SOX5: variants seen among roughly 807,000 people sequenced by gnomAD.
SOX5 encodes SRY-box transcription factor 5.
In SOX5, 9 loss-of-function variants were observed where a neutral mutation model predicts 92.0. The observed-to-expected ratio is 0.10, with a 90% CI of 0.06 to 0.17. The LOEUF is 0.17. Among genes scored for constraint, SOX5 ranks in the 10% least tolerant of loss-of-function variants. The pLI, the probability that SOX5 is intolerant of heterozygous loss-of-function variation, is 1.00. For missense variants in SOX5, 642 were observed against 944.5 expected, an observed-to-expected ratio of 0.68 and a Z score of 4.20; for synonymous variants, 344 against 336.3, an observed-to-expected ratio of 1.02 and a Z score of -0.25.
chr12:23,770,510 A>T (rs987093240), intron 3 of SOX5, among the ~76,000 whole-genome samples: 1 of 151,598 alleles, frequency 6.6e-6, no homozygotes, highest in Non-Finnish European at 1.5e-5. Flanking sequence ...CGACAAAAAA[A>T]TTATTTTAAA....
intron 11 of SOX5, among the ~76,000 whole-genome samples, chr12:23,551,869 G>A (rs931545757): frequency 2.0e-5 from 3 of 151,350 alleles, no homozygotes; most frequent in African/African-American, 7.3e-5. Flanking sequence ...GTAAAATTTG[G>A]TAGCTTGCTT....
At chr12:23,660,691 A>G (rs1409004703) in intron 7 of SOX5, among the ~76,000 whole-genome samples, 1 of 138,088 alleles carries the variant, frequency 7.2e-6, no homozygotes, top group East Asian at 2.1e-4. Context: ...GTGAAAGACA[A>G]TAACTTCCAG....
intron 4 of SOX5, among the ~76,000 whole-genome samples, chr12:24,167,377 A>G (rs949106830): frequency 3.3e-5 from 5 of 152,232 alleles, no homozygotes; most frequent in Non-Finnish European, 7.3e-5. Context: ...AACCTCTTCC[A>G]AACACACCTA....
chr12:23,781,912 A>G (rs757810709), intron 3 of SOX5, among the ~76,000 whole-genome samples: 17 of 152,148 alleles, frequency 1.1e-4, no homozygotes, highest in Non-Finnish European at 2.1e-4. Context: ...ATATTGTTAA[A>G]CTAACAGAAT....
intron 4 of SOX5, among the ~76,000 whole-genome samples, chr12:24,020,473 C>T (rs1404103110): frequency 6.6e-6 from 1 of 152,120 alleles, no homozygotes; most frequent in Non-Finnish European, 1.5e-5. Flanking sequence ...TAATCTCATT[C>T]TGCCTGTTTA....
At chr12:23,611,591 T>G (rs2137759297) in intron 8 of SOX5, among the ~76,000 whole-genome samples, 1 of 152,066 alleles carries the variant, frequency 6.6e-6, no homozygotes, top group East Asian at 1.9e-4. Context: ...TTATTTTAAC[T>G]GGGATCTTGC....
chr12:24,254,738 T>TATATATATA (rs1565761318), intron 3 of SOX5, among the ~76,000 whole-genome samples: 2 of 151,448 alleles, frequency 1.3e-5, no homozygotes, highest in African/African-American at 2.4e-5. Flanking sequence ...TATATATATA[T>TATATATATA]TTCCTATGAC....
intron 1 of SOX5, among the ~76,000 whole-genome samples, chr12:24,536,532 T>C (rs1287205813): frequency 2.0e-5 from 3 of 152,152 alleles, no homozygotes; most frequent in Non-Finnish European, 2.9e-5. Flanking sequence ...TGAATTCCAG[T>C]ATGGAATATG....
chr12:23,887,917 ATGTGTGTGTGTGTGTGTGTG>A (rs61356582), intron 2 of SOX5, among the ~76,000 whole-genome samples: 2 of 144,662 alleles, frequency 1.4e-5, no homozygotes. Context: ...CAGTGTGTAT[ATGTGTGTGTGTGTGTGTGTG>A]TGTGTGTGTG....
rs74965077 is a variant in SOX5, at chr12:23,736,989, G to A, written c.742-2237C>T. On this transcript the variant is annotated intron_variant, in intron 5 of 14. Coordinates refer to ENST00000451604, the MANE Select transcript of SOX5 (RefSeq NM_006940.6). ...ATTACAGGCGTGAGCCACAGTGCCC[G>A]ACCTACGATTTTTTTTTTTTCTGAA... Among the ~76,000 whole-genome samples the A allele has an allele frequency of 4.8e-4, 72 of 149,036 alleles. No homozygotes were observed. The East Asian group carries it at 0.012, about 24-fold the overall frequency.
In SOX5 at chr12:23,532,906, C is replaced by CG. The variant is rs1939385427; in HGVS notation, c.*1312_*1313insC. The CG allele has an allele frequency of 6.1e-6, 1 of 163,436 alleles. No individual in the cohort carries two copies. Among genetic ancestry groups the CG allele is most frequent in the African/African-American group, 2.4e-5 (1 of 41,696 alleles). 10.1% of individuals were successfully genotyped at this position (163,436 alleles called of 1,614,324 possible). ...CAATGAAAACAATGATTGTTTTGCT[C>CG]AAAATATCAACAGGAAAAACAAAAA... On this transcript the variant is annotated 3_prime_UTR_variant, in exon 15 of 15. Transcript: ENST00000451604.
Position 23,835,250 on chromosome 12 carries a change from T to C in SOX5, c.481+10733A>G, listed in dbSNP as rs563517939. Among the ~76,000 whole-genome samples, 6 of 151,656 alleles carry C rather than the reference T, an allele frequency of 4.0e-5. No individual in the cohort carries two copies. The South Asian group carries it at 1.0e-3, about 26-fold the overall frequency. On this transcript the variant is annotated intron_variant, in intron 3 of 14. Transcript: ENST00000451604. Reference sequence around the variant, plus strand: ...AGATGGTAACACTATTTCTAAAATATAAAAAACAAAAGCGAGAAAAGAATA... The same window carrying C: ...AGATGGTAACACTATTTCTAAAATACAAAAAACAAAAGCGAGAAAAGAATA...
chr12:23,861,983 T>A (rs1043735996), intron 2 of SOX5, among the ~76,000 whole-genome samples: 1 of 152,214 alleles, frequency 6.6e-6, no homozygotes, highest in Non-Finnish European at 1.5e-5. Context: ...TAATTAATTA[T>A]ACATTTTTGG....
At chr12:23,856,398 T>C (rs1212761889) in intron 2 of SOX5, among the ~76,000 whole-genome samples, 4 of 152,284 alleles carry the variant, frequency 2.6e-5, no homozygotes, top group Middle Eastern at 3.4e-3. Context: ...AAAATATAGC[T>C]ACCAGTTTTG....
chr12:24,254,559 T>C (rs906357752), intron 3 of SOX5, among the ~76,000 whole-genome samples: 7 of 151,892 alleles, frequency 4.6e-5, no homozygotes, highest in African/African-American at 1.7e-4. Flanking sequence ...ATGTAATTTA[T>C]TGAAAATTGT....
chr12:23,789,336 A>G (rs2095431570), intron 3 of SOX5, among the ~76,000 whole-genome samples: 1 of 152,080 alleles, frequency 6.6e-6, no homozygotes, highest in Non-Finnish European at 1.5e-5. Flanking sequence ...ACTGCCAACA[A>G]TATCCAAGGA....
intron 6 of SOX5, among the ~76,000 whole-genome samples, chr12:23,701,685 C>T (rs575639563): frequency 1.3e-5 from 2 of 152,056 alleles, no homozygotes; most frequent in South Asian, 2.1e-4. Context: ...GGTGATTTTT[C>T]AGTGGTAACA....
chr12:24,070,297 TG>T (rs1941555946), intron 4 of SOX5, among the ~76,000 whole-genome samples: 1 of 152,220 alleles, frequency 6.6e-6, no homozygotes, highest in Admixed American at 6.5e-5. Context: ...TCATAAGTGA[TG>T]TTTCATCTCA....
At chr12:24,252,779 G>A (rs1014339626) in intron 3 of SOX5, among the ~76,000 whole-genome samples, 3 of 151,732 alleles carry the variant, frequency 2.0e-5, no homozygotes, top group South Asian at 2.1e-4. Flanking sequence ...TGCTCCACAC[G>A]ATCTAATCAT....
Sources: gnomAD v4.1 joint callset for allele counts (sites outside exome capture counted in the v4.1 genomes callset) on GRCh38, gnomAD v4.1.1 for gene constraint, MANE v1.5 for transcripts, NCBI Gene and HGNC (gene_info 2026-07-23, HGNC 2026-07-21) for gene names.